The following FLACC1 variants were observed in gnomAD, a reference collection of about 807,000 sequenced individuals.
FLACC1 encodes flagellum associated containing coiled-coil domains 1.
FLACC1 carries 66 observed loss-of-function variants against 62.8 expected under a neutral mutation model. The ratio of observed to expected loss-of-function variants is 1.05; its 90% CI spans 0.86 to 1.29. FLACC1 has a LOEUF of 1.29. FLACC1 is among the 50% of genes most tolerant of loss of function. FLACC1 has a pLI of 0.00. For synonymous variants in FLACC1, 156 were observed against 161.0 expected, an observed-to-expected ratio of 0.97 and a Z score of 0.24; for missense variants, 452 against 489.1, an observed-to-expected ratio of 0.92 and a Z score of 0.71.
At chr2:201,350,508 G>GT (rs1433415112) in intron 3 of FLACC1, among the ~76,000 whole-genome samples, 1 of 151,902 alleles carries the variant, frequency 6.6e-6, no homozygotes, top group Non-Finnish European at 1.5e-5. Flanking sequence ...GTGAAACCCC[G>GT]TCTCTACTAA....
At chr2:201,328,390 G>A (rs1371605426) in intron 9 of FLACC1, among the ~76,000 whole-genome samples, 2 of 151,870 alleles carry the variant, frequency 1.3e-5, no homozygotes, top group Non-Finnish European at 2.9e-5. Context: ...ACATGTGTTA[G>A]CTTTAGGGTC....
At position 201,289,817 on chromosome 2, in the gene FLACC1, T is replaced by C. The variant is rs1203925583; in HGVS notation, c.943-32A>G. 1 of 1,614,168 alleles carries C rather than the reference T, an allele frequency of 6.2e-7. No individual in the cohort carries two copies. The highest frequency in any genetic ancestry group is 1.7e-5 in the Admixed American group (1 of 60,016). On this transcript the variant is annotated intron_variant, in intron 12 of 14. Transcript: ENST00000392257. ...AAGAAGAAGCTGTTGCAGGACATCA[T>C]GCCAATGTCTATTTATTTGGTCTCT...
At chr2:201,328,445 A>T (rs1315357367) in intron 9 of FLACC1, among the ~76,000 whole-genome samples, 1 of 152,014 alleles carries the variant, frequency 6.6e-6, no homozygotes, top group African/African-American at 2.4e-5. Context: ...ATATTTTTTG[A>T]GACAGAGTCT....
chr2:201,320,182 T>A (rs1351001909), intron 9 of FLACC1, among the ~76,000 whole-genome samples: 1 of 152,232 alleles, frequency 6.6e-6, no homozygotes, highest in Non-Finnish European at 1.5e-5. Flanking sequence ...CGGGGAACCC[T>A]GTGGAGGACA....
chr2:201,325,234 T>C (rs570543452), intron 9 of FLACC1, among the ~76,000 whole-genome samples: 2 of 152,090 alleles, frequency 1.3e-5, no homozygotes, highest in South Asian at 2.1e-4. Flanking sequence ...AGAGCACAAA[T>C]TGACAATGTC....
intron 9 of FLACC1, among the ~76,000 whole-genome samples, chr2:201,311,273 G>T (rs1950212521): frequency 6.6e-6 from 1 of 151,652 alleles, no homozygotes; most frequent in South Asian, 2.1e-4. Context: ...GAGGAGGAGG[G>T]ACTCCTCCCT....
At position 201,350,123 on chromosome 2, in the gene FLACC1, C is replaced by A. The variant is rs79903051; in HGVS notation, c.185+588G>T. On this transcript the variant is annotated intron_variant, in intron 3 of 14. Coordinates refer to ENST00000392257, the MANE Select transcript of FLACC1 (RefSeq NM_001127391.3). ...ACTTAGGGCCAGGCACAGTGGCTCA[C>A]GACTGTAATCCCAGCACTTTGAAGG... is the stretch of plus-strand genomic sequence containing the variant. Among the ~76,000 whole-genome samples, 424 of 152,306 alleles carry A rather than the reference C, an allele frequency of 2.8e-3. 13 individuals are homozygous for A. In the East Asian group the frequency reaches 0.07, roughly 25 times the overall value.
chr2:201,340,932 A>T (rs1489464979), intron 7 of FLACC1, among the ~76,000 whole-genome samples: 1 of 151,566 alleles, frequency 6.6e-6, no homozygotes, highest in Non-Finnish European at 1.5e-5. Flanking sequence ...CATCACACTG[A>T]CTCCTGGCCT....
chr2:201,309,173 T>A lies in FLACC1; in HGVS notation c.753A>T (p.Arg251=), dbSNP rs1576429652. ...CACTTTGCTGTAGCAGGATATTTTC[T>A]CGCTCGAACTTCTCATCCTTCTTCC... ...AKWKKDEKFE[R]ENILLQQKKK... The change falls in exon 10 of 15, where the codon CGA becomes CGT. Residue 251 remains arginine (R), a synonymous_variant. Coordinates refer to ENST00000392257, the MANE Select transcript of FLACC1 (RefSeq NM_001127391.3). 4.3e-6 allele frequency: 7 copies of A among 1,613,976 alleles called. No homozygotes were observed. In the East Asian group the frequency reaches 1.6e-4, roughly 36 times the overall value.
chr2:201,351,742 G>A, intron 1 of FLACC1: 1 of 211,458 alleles, frequency 4.7e-6, no homozygotes, highest in South Asian at 8.2e-5. Flanking sequence ...TCAGGAGTTT[G>A]AGACCAGCCT....
At chr2:201,336,745 A>G (rs574223776) in intron 7 of FLACC1, among the ~76,000 whole-genome samples, 1 of 152,312 alleles carries the variant, frequency 6.6e-6, no homozygotes, top group East Asian at 1.9e-4. Flanking sequence ...TAATGGCTGT[A>G]CTAATTTACA....
intron 3 of FLACC1, among the ~76,000 whole-genome samples, chr2:201,350,263 T>C (rs1950998312): frequency 6.6e-6 from 1 of 152,102 alleles, no homozygotes; most frequent in African/African-American, 2.4e-5. Flanking sequence ...TGGGTGCCTG[T>C]AATCCCAGCT....
In FLACC1 at chr2:201,329,483, C is replaced by A. The variant is rs537237750; in HGVS notation, c.675+987G>T. Among the ~76,000 whole-genome samples the A allele has an allele frequency of 4.5e-4, 69 of 152,314 alleles. 1 individual carries two copies. Among genetic ancestry groups the A allele is most frequent in the African/African-American group, 1.5e-3 (64 of 41,552 alleles). On this transcript the variant is annotated intron_variant, in intron 9 of 14. Transcript: ENST00000392257. Reference sequence around the variant, plus strand: ...AAAATAAATTTTTCTACCAAAAAGACACCTTCTCTTGTATGTTAATCACAG... The same window carrying A: ...AAAATAAATTTTTCTACCAAAAAGAAACCTTCTCTTGTATGTTAATCACAG...
At chr2:201,352,717 T>C (rs1951050487) in intron 1 of FLACC1, among the ~76,000 whole-genome samples, 1 of 152,148 alleles carries the variant, frequency 6.6e-6, no homozygotes, top group African/African-American at 2.4e-5. Flanking sequence ...GAGCACATGG[T>C]AGGATGAATA....
In FLACC1 at chr2:201,312,434, G is replaced by A. The variant is rs529386860; in HGVS notation, c.676-3184C>T. On this transcript the variant is annotated intron_variant, in intron 9 of 14. Transcript: ENST00000392257. ...GAAATCAGAGACAACACAAACAAAT[G>A]GAAAAACATTCCATGCTCATGGATT... Among the ~76,000 whole-genome samples the A allele has an allele frequency of 5.3e-5, 8 of 152,088 alleles. No individual in the cohort carries two copies. The South Asian group carries it at 1.7e-3, about 32-fold the overall frequency.
intron 11 of FLACC1, 111 bp downstream of exon 11, chr2:201,307,407 GA>G (rs1483904410): frequency 1.7e-5 from 13 of 778,098 alleles, no homozygotes; most frequent in Non-Finnish European, 2.9e-5. Context: ...GGGAGAGGAG[GA>G]TTATGCCCAG....
upstream of FLACC1, among the ~76,000 whole-genome samples, chr2:201,359,907 T>A (rs972106137): frequency 1.3e-5 from 2 of 151,474 alleles, no homozygotes; most frequent in Non-Finnish European, 2.9e-5. Context: ...GTGTTTAATG[T>A]GTAAAATTTT....
At chr2:201,353,851 G>C (rs1182163323) in intron 1 of FLACC1, among the ~76,000 whole-genome samples, 1 of 152,154 alleles carries the variant, frequency 6.6e-6, no homozygotes, top group Non-Finnish European at 1.5e-5. Flanking sequence ...TCCTGCCTCG[G>C]CCTCCCAAAG....
chr2:201,292,708 C>T (rs970853567), intron 12 of FLACC1, among the ~76,000 whole-genome samples: 1 of 152,106 alleles, frequency 6.6e-6, no homozygotes, highest in African/African-American at 2.4e-5. Flanking sequence ...GCTAAATGCT[C>T]CAATTAAAAG....
Sources: gnomAD v4.1 joint callset for allele counts (sites outside exome capture counted in the v4.1 genomes callset) on GRCh38, gnomAD v4.1.1 for gene constraint, MANE v1.5 for transcripts, NCBI Gene and HGNC (gene_info 2026-07-23, HGNC 2026-07-21) for gene names.